Variants in GLIS3 observed in about 807,000 individuals in gnomAD.
GLIS3 encodes the protein zinc finger protein GLIS3.
GLIS3 carries 53 observed loss-of-function variants against 78.6 expected under a neutral mutation model. That is an observed-to-expected ratio of 0.67 (90% confidence interval 0.54 to 0.85). The LOEUF is 0.85. GLIS3 is among the 40% of genes least tolerant of loss of function. The pLI is 0.00. For missense variants in GLIS3, 1,703 were observed against 1,231.1 expected (o/e 1.38, Z -5.74); for synonymous variants, 684 against 509.9 (o/e 1.34, Z -4.60).
chr9:4,207,463 A>G (rs1819985144), intron 2 of GLIS3, among the ~76,000 whole-genome samples: 1 of 152,238 alleles, frequency 6.6e-6, no homozygotes, highest in South Asian at 2.1e-4. Context: ...TTACCTCAAA[A>G]TGATGCTTAT....
chr9:3,849,942 A>T (rs1167115260), intron 9 of GLIS3, among the ~76,000 whole-genome samples: 1 of 152,006 alleles, frequency 6.6e-6, no homozygotes, highest in Non-Finnish European at 1.5e-5. Flanking sequence ...ATGAGAGAAG[A>T]GTAAACTGCA....
chr9:4,448,479 C>A, the GLIS3 span, among the ~76,000 whole-genome samples: 1 of 152,250 alleles, frequency 6.6e-6, no homozygotes, highest in Non-Finnish European at 1.5e-5. Context: ...GGCTTACAGG[C>A]AGTCAGGTCT....
chr9:4,027,905 T>C (rs934691187), intron 4 of GLIS3, among the ~76,000 whole-genome samples: 1 of 152,124 alleles, frequency 6.6e-6, no homozygotes, highest in African/African-American at 2.4e-5. Flanking sequence ...CTCAGCTTTG[T>C]CCAGCTGAAG....
chr9:4,061,648 G>T (rs1826664492), intron 4 of GLIS3, among the ~76,000 whole-genome samples: 1 of 152,078 alleles, frequency 6.6e-6, no homozygotes, highest in Non-Finnish European at 1.5e-5. Flanking sequence ...ATGAGATGTT[G>T]ATACTTTTTT....
chr9:4,054,255 C>A (rs905437287), intron 4 of GLIS3: 2 of 794,320 alleles, frequency 2.5e-6, no homozygotes, highest in Admixed American at 1.2e-4. Flanking sequence ...TCATCCTTCA[C>A]GGTCACTGCT....
intron 4 of GLIS3, among the ~76,000 whole-genome samples, chr9:3,960,579 T>C (rs998347389): frequency 5.9e-5 from 9 of 152,202 alleles, no homozygotes; most frequent in African/African-American, 2.2e-4. Flanking sequence ...TCCTGGCACA[T>C]AGTGGGTCCA....
Position 3,913,495 on chromosome 9 carries a change from A to T in GLIS3, c.1984-14660T>A, listed in dbSNP as rs1423930387. ...ATGATGGAGGTCACACAGAGCCAAG[A>T]CATTCCTGTAATCTTTGTTTATTCT... On this transcript the variant is annotated intron_variant, in intron 6 of 10. Transcript: ENST00000381971. Among the ~76,000 whole-genome samples, 2 of 152,178 alleles carry T rather than the reference A, an allele frequency of 1.3e-5. 1 individual carries two copies. The highest frequency in any genetic ancestry group is 4.8e-5 in the African/African-American group (2 of 41,440).
chr9:4,247,620 T>G (rs765875662), intron 2 of GLIS3, among the ~76,000 whole-genome samples: 1 of 152,024 alleles, frequency 6.6e-6, no homozygotes, highest in Non-Finnish European at 1.5e-5. Flanking sequence ...CCATTACAAT[T>G]TACCATTTGG....
At chr9:4,000,691 C>T (rs539709786) in intron 4 of GLIS3, among the ~76,000 whole-genome samples, 5 of 152,176 alleles carry the variant, frequency 3.3e-5, no homozygotes, top group African/African-American at 7.2e-5. Flanking sequence ...CTAGAATCTT[C>T]CCCATCAGCC....
At chr9:3,993,390 A>G (rs1049320099) in intron 4 of GLIS3, among the ~76,000 whole-genome samples, 1 of 152,218 alleles carries the variant, frequency 6.6e-6, no homozygotes, top group Non-Finnish European at 1.5e-5. Flanking sequence ...TATTAGTAGT[A>G]TTTTATGAAA....
At chr9:4,091,237 T>TA (rs1341752111) in intron 4 of GLIS3, among the ~76,000 whole-genome samples, 1 of 151,926 alleles carries the variant, frequency 6.6e-6, no homozygotes, top group African/African-American at 2.4e-5. Context: ...CGTGGTGGTG[T>TA]ACATCTGTAG....
chr9:3,926,242 T>TG (rs893181882), intron 6 of GLIS3, among the ~76,000 whole-genome samples: 11 of 149,846 alleles, frequency 7.3e-5, no homozygotes, highest in African/African-American at 2.7e-4. Context: ...TGTTTTTTTT[T>TG]TTTTCTTTGA....
At chr9:3,987,355 G>C (rs1380857038) in intron 4 of GLIS3, among the ~76,000 whole-genome samples, 1 of 152,010 alleles carries the variant, frequency 6.6e-6, no homozygotes, top group Non-Finnish European at 1.5e-5. Context: ...CCCAACATTT[G>C]TATCATCAGA....
intron 6 of GLIS3, among the ~76,000 whole-genome samples, chr9:3,929,374 G>C (rs1295454617): frequency 6.6e-6 from 1 of 151,982 alleles, no homozygotes; most frequent in African/African-American, 2.4e-5. Flanking sequence ...TTCACAGCTT[G>C]AATAATGTTT....
chr9:3,888,177 T>C (rs1031672375), intron 7 of GLIS3, among the ~76,000 whole-genome samples: 1 of 152,088 alleles, frequency 6.6e-6, no homozygotes, highest in African/African-American at 2.4e-5. Flanking sequence ...CTCCTGGAAG[T>C]TCTTACAGAA....
chr9:4,186,145 C>G (rs1038426488), intron 2 of GLIS3, among the ~76,000 whole-genome samples: 6 of 117,328 alleles, frequency 5.1e-5, no homozygotes, highest in South Asian at 3.7e-4. Context: ...TGCTATCCCT[C>G]CCCCACCCCC....
intron 4 of GLIS3, among the ~76,000 whole-genome samples, chr9:4,048,512 G>T (rs1398594242): frequency 6.6e-6 from 1 of 152,180 alleles, no homozygotes; most frequent in Non-Finnish European, 1.5e-5. Flanking sequence ...AGCACGGTCA[G>T]AAACAGCTGG....
chr9:4,273,734 G>A (rs1826734199), intron 2 of GLIS3, among the ~76,000 whole-genome samples: 2 of 152,256 alleles, frequency 1.3e-5, no homozygotes, highest in African/African-American at 4.8e-5. Context: ...ACAAGTGGGT[G>A]ACTACTTGAA....
At chr9:4,298,591 G>C (rs1296315561) in intron 1 of GLIS3, 1 of 295,918 alleles carries the variant, frequency 3.4e-6, no homozygotes, top group South Asian at 2.7e-5. Flanking sequence ...TACACACAGG[G>C]TCATTTATAG....
Sources: gnomAD v4.1 joint callset for allele counts (sites outside exome capture counted in the v4.1 genomes callset) on GRCh38, gnomAD v4.1.1 for gene constraint, MANE v1.5 for transcripts, NCBI Gene and HGNC (gene_info 2026-07-23, HGNC 2026-07-21) for gene names.